Variants in PCDHA9 observed in about 807,000 individuals in gnomAD.
The protein encoded by PCDHA9 is protocadherin alpha-9.
A neutral mutation model predicts 62.0 loss-of-function variants in PCDHA9; 62 were observed. The observed-to-expected ratio is 1.00, with a 90% CI of 0.81 to 1.23. The LOEUF (loss-of-function observed/expected upper bound fraction) is 1.23, where lower values mean the gene tolerates loss of function less well. Ranked by LOEUF, PCDHA9 falls within the 50% of genes most tolerant of loss-of-function variation. The pLI, the probability that PCDHA9 is intolerant of heterozygous loss-of-function variation, is 0.00. For missense variants in PCDHA9, 1,205 were observed against 1,249.8 expected (o/e 0.96, Z 0.54); for synonymous variants, 557 against 567.6 (o/e 0.98, Z 0.27).
intron 1 of PCDHA9, among the ~76,000 whole-genome samples, chr5:140,963,550 A>G (rs1484541648): frequency 6.6e-6 from 1 of 152,202 alleles, no homozygotes; most frequent in Non-Finnish European, 1.5e-5. Context: ...TGATATAAAA[A>G]GGGGCTGTTT....
At chr5:140,937,945 G>T (rs1464890227) in intron 1 of PCDHA9, among the ~76,000 whole-genome samples, 1 of 151,840 alleles carries the variant, frequency 6.6e-6, no homozygotes, top group Non-Finnish European at 1.5e-5. Context: ...TTGATAATTG[G>T]CTTTTGTTGA....
At chr5:140,985,228 C>T (rs1022229644) in intron 3 of PCDHA9, among the ~76,000 whole-genome samples, 2 of 152,156 alleles carry the variant, frequency 1.3e-5, no homozygotes, top group Admixed American at 6.5e-5. Flanking sequence ...TGAGCCACCG[C>T]GCCTGGCCTA....
intron 1 of PCDHA9, chr5:140,870,778 G>T: frequency 1.2e-6 from 2 of 1,613,620 alleles, no homozygotes; most frequent in South Asian, 1.1e-5. Context: ...GGACGAGAAC[G>T]ACAACGCGCC....
intron 3 of PCDHA9, among the ~76,000 whole-genome samples, chr5:141,000,900 G>A (rs1020896392): frequency 6.6e-6 from 1 of 151,614 alleles, no homozygotes; most frequent in African/African-American, 2.4e-5. Flanking sequence ...AGATATAGAC[G>A]CTGTCTCTAA....
At chr5:140,910,911 T>G (rs1326687303) in intron 1 of PCDHA9, among the ~76,000 whole-genome samples, 1 of 152,170 alleles carries the variant, frequency 6.6e-6, no homozygotes, top group African/African-American at 2.4e-5. Context: ...CCTCCAGATT[T>G]TTGCTTATAT....
At chr5:140,927,568 A>T in intron 1 of PCDHA9, 1 of 1,614,174 alleles carries the variant, frequency 6.2e-7, no homozygotes, top group Non-Finnish European at 8.5e-7. Flanking sequence ...TGTGGTGGAC[A>T]CAAATGACAA....
intron 1 of PCDHA9, among the ~76,000 whole-genome samples, chr5:140,888,737 A>T (rs1468383652): frequency 6.6e-6 from 1 of 152,036 alleles, no homozygotes; most frequent in Non-Finnish European, 1.5e-5. Context: ...TGTGAGCTCT[A>T]GGAATTATTC....
At chr5:140,918,889 A>C (rs1057244376) in intron 1 of PCDHA9, among the ~76,000 whole-genome samples, 5 of 152,218 alleles carry the variant, frequency 3.3e-5, no homozygotes, top group African/African-American at 4.8e-5. Context: ...GAACAGTGAA[A>C]AATAAATCTC....
At chr5:140,955,458 T>C (rs246018) in intron 1 of PCDHA9, among the ~76,000 whole-genome samples, 85,567 of 151,850 alleles carry the variant, frequency 0.56, 24,724 homozygotes, top group African/African-American at 0.69. Flanking sequence ...AAGGGCTTTT[T>C]CCTTTTTGCT....
intron 1 of PCDHA9, among the ~76,000 whole-genome samples, chr5:140,955,465 T>C (rs2095187437): frequency 6.6e-6 from 1 of 152,128 alleles, no homozygotes; most frequent in Non-Finnish European, 1.5e-5. Flanking sequence ...TTTTCCTTTT[T>C]GCTTGGCACC....
chr5:140,849,943 A>G lies in PCDHA9; in HGVS notation c.1448A>G (p.Asp483Gly), dbSNP rs2150458955. The G allele has an allele frequency of 3.8e-6, 6 of 1,597,666 alleles. 2 individuals carry two copies. In the African/African-American group the frequency reaches 5.4e-5, roughly 14 times the overall value. Residue 483 changes from aspartate to glycine, a missense_variant, in exon 1 of 4, where the codon GAC becomes GGC. This residue lies in a region of PCDHA9 where 887 missense variants were observed against 809.5 expected (regional missense o/e 1.10). Transcript: ENST00000532602. The part of the protein sequence containing the change: ...HIFTVSARDA[D>G]AQENALVSYS... ...TTCACGGTGTCTGCGCGGGACGCTG[A>G]CGCGCAGGAGAACGCCCTGGTGTCC...
At chr5:140,991,078 A>T (rs1378051907) in intron 3 of PCDHA9, among the ~76,000 whole-genome samples, 1 of 152,188 alleles carries the variant, frequency 6.6e-6, no homozygotes, top group Non-Finnish European at 1.5e-5. Context: ...TGTTTCAGAT[A>T]AAAAAATTAA....
At position 140,850,386 on chromosome 5, in the gene PCDHA9, A is replaced by G. The variant is rs2041574061; in HGVS notation, c.1891A>G (p.Ile631Val). ...CCGCGTGGGGCTGTACACGGGCGAGATCAGCACAACGCGTGCCCTGGACGA... is the reference window on the plus strand; with the variant it reads ...CCGCGTGGGGCTGTACACGGGCGAGGTCAGCACAACGCGTGCCCTGGACGA... ...PFRVGLYTGE[I>V]STTRALDETD... The change falls in exon 1 of 4, where the codon ATC (isoleucine) becomes GTC (valine). Residue 631 changes from isoleucine to valine, a missense_variant. Coordinates refer to ENST00000532602, the MANE Select transcript of PCDHA9 (RefSeq NM_031857.2). 1.3e-6 allele frequency: 2 copies of G among 1,597,858 alleles called. 1 individual carries two copies. Among genetic ancestry groups the G allele is most frequent in the South Asian group, 2.2e-5 (2 of 90,510 alleles).
At chr5:140,876,192 G>A (rs782181168) in intron 1 of PCDHA9, 6 of 1,613,732 alleles carry the variant, frequency 3.7e-6, no homozygotes, top group African/African-American at 1.3e-5. Context: ...ACAATGGTCC[G>A]GCGTTTGATA....
At chr5:140,878,859 C>T (rs2057755620) in intron 1 of PCDHA9, among the ~76,000 whole-genome samples, 1 of 152,188 alleles carries the variant, frequency 6.6e-6, no homozygotes, top group African/African-American at 2.4e-5. Flanking sequence ...TTCAACTGAT[C>T]CTCCATTTCA....
chr5:140,917,249 G>A (rs1439724525), intron 1 of PCDHA9, among the ~76,000 whole-genome samples: 1 of 149,466 alleles, frequency 6.7e-6, no homozygotes, highest in African/African-American at 2.5e-5. Flanking sequence ...TACTACGATT[G>A]CTCACCTGAT....
At chr5:140,858,472 T>C in intron 1 of PCDHA9, 1 of 1,518,184 alleles carries the variant, frequency 6.6e-7, no homozygotes. Context: ...TTTTGTGCTT[T>C]ATGAATAATA....
chr5:140,967,173 T>C, intron 1 of PCDHA9: 1 of 1,611,178 alleles, frequency 6.2e-7, no homozygotes, highest in Non-Finnish European at 8.5e-7. Context: ...GCCGTTGAGG[T>C]GGAAATATTG....
rs1450871721 is a variant in PCDHA9, at chr5:140,999,541, C to T, written c.2543-10086C>T. 3.3e-5 allele frequency among the ~76,000 whole-genome samples: 5 copies of T among 152,150 alleles called. No individual in the cohort carries two copies. The East Asian group carries it at 9.7e-4, about 29-fold the overall frequency. On this transcript the variant is annotated intron_variant, in intron 3 of 3. Coordinates refer to ENST00000532602, the MANE Select transcript of PCDHA9 (RefSeq NM_031857.2). ...TTTGTTACCCCCTGGATATGACAGC[C>T]AATGAAGAGGGGGTATTTTGAGAAG...
Sources: gnomAD v4.1 joint callset for allele counts (sites outside exome capture counted in the v4.1 genomes callset) on GRCh38, gnomAD v4.1.1 for gene constraint, gnomAD v4.1.1 regional missense constraint, MANE v1.5 for transcripts, NCBI Gene and HGNC (gene_info 2026-07-23, HGNC 2026-07-21) for gene names.